The following CPB2 variants were observed in gnomAD, a reference collection of about 807,000 sequenced individuals.
The protein encoded by CPB2 is carboxypeptidase B2.
CPB2 carries 54 observed loss-of-function variants against 57.0 expected under a neutral mutation model. The observed-to-expected ratio is 0.95, with a 90% CI of 0.76 to 1.19. CPB2 has a LOEUF of 1.19. Among genes scored for constraint, CPB2 ranks in the 50% most tolerant of loss-of-function variants. The probability of loss-of-function intolerance (pLI) is 0.00; values close to 1 mark genes in which losing one functional copy is unlikely to be tolerated. For missense variants in CPB2, 426 were observed against 512.0 expected (o/e 0.83, Z 1.62); for synonymous variants, 189 against 178.1 (o/e 1.06, Z -0.49).
intron 6 of CPB2, among the ~76,000 whole-genome samples, chr13:46,071,995 A>G (rs2044949757): frequency 6.6e-6 from 1 of 152,230 alleles, no homozygotes. Flanking sequence ...TGGTTAACAT[A>G]TATTCACTGG....
At chr13:46,100,485 T>A (rs1045503855) in intron 1 of CPB2, 6 of 94,630 alleles carry the variant, frequency 6.3e-5, no homozygotes, top group African/African-American at 2.7e-4. Context: ...GATTTGTGAA[T>A]TTTTTTTTTT....
At chr13:46,080,968 T>C (rs1435260200) in intron 4 of CPB2, among the ~76,000 whole-genome samples, 2 of 77,952 alleles carry the variant, frequency 2.6e-5, no homozygotes, top group Non-Finnish European at 4.5e-5. Context: ...AGAAACTCTG[T>C]CTCAAAAAAA....
intron 1 of CPB2, among the ~76,000 whole-genome samples, chr13:46,104,663 A>G (rs2045472722): frequency 6.6e-6 from 1 of 152,232 alleles, no homozygotes; most frequent in Admixed American, 6.5e-5. Context: ...AAAAGATTTA[A>G]TTTCTTGAAT....
At chr13:46,090,724 C>CTTTTTTT in intron 1 of CPB2, among the ~76,000 whole-genome samples, 1 of 148,400 alleles carries the variant, frequency 6.7e-6, no homozygotes, top group Non-Finnish European at 1.5e-5. Flanking sequence ...AGATGTTGCA[C>CTTTTTTT]TTTTTTTTTT....
intron 7 of CPB2, among the ~76,000 whole-genome samples, chr13:46,066,587 G>A (rs1275084381): frequency 6.6e-6 from 1 of 152,204 alleles, no homozygotes; most frequent in East Asian, 1.9e-4. Context: ...GCTCATGCCT[G>A]TAATCTCAGC....
intron 1 of CPB2, chr13:46,097,390 T>C (rs140591004): frequency 2.6e-5 from 4 of 152,316 alleles, no homozygotes; most frequent in African/African-American, 9.6e-5. Flanking sequence ...GACCAGCTAG[T>C]CACTGGGTGG....
intron 1 of CPB2, among the ~76,000 whole-genome samples, chr13:46,090,122 G>C (rs1321336330): frequency 2.6e-5 from 4 of 151,538 alleles, no homozygotes; most frequent in African/African-American, 9.7e-5. Context: ...ATATCTTAGA[G>C]AACAAACTCT....
chr13:46,094,750 G>A (rs1367630563), intron 1 of CPB2: 1 of 152,084 alleles, frequency 6.6e-6, no homozygotes, highest in Non-Finnish European at 1.5e-5. Flanking sequence ...GCCAACAAAA[G>A]GATTGCTCAA....
At chr13:46,076,956 T>G (rs9567616) in intron 5 of CPB2, among the ~76,000 whole-genome samples, 51,892 of 151,622 alleles carry the variant, frequency 0.34, 9,022 homozygotes, top group African/African-American at 0.39. Context: ...TTAAATGTAA[T>G]ACCTAAAACT....
intron 4 of CPB2, among the ~76,000 whole-genome samples, chr13:46,079,582 T>C (rs2139386999): frequency 6.8e-6 from 1 of 146,008 alleles, no homozygotes; most frequent in East Asian, 2.0e-4. Context: ...AAAAAAATTC[T>C]GACTTTAGGC....
intron 1 of CPB2, chr13:46,098,906 A>C (rs2139425552): frequency 6.6e-6 from 1 of 152,356 alleles, no homozygotes; most frequent in South Asian, 2.1e-4. Context: ...TGCAATCTTC[A>C]TCTCAGGAGT....
At chr13:46,088,948 T>C (rs2045250690) in intron 1 of CPB2, among the ~76,000 whole-genome samples, 1 of 151,874 alleles carries the variant, frequency 6.6e-6, no homozygotes, top group Admixed American at 6.5e-5. Context: ...TTCTAGCAGT[T>C]TGTAATTTGT....
chr13:46,065,197 G>A (rs1336038355), intron 7 of CPB2, among the ~76,000 whole-genome samples: 4 of 152,186 alleles, frequency 2.6e-5, no homozygotes, highest in Admixed American at 6.5e-5. Flanking sequence ...CCCTTTCAAA[G>A]CTAGAAAAGG....
rs762612523 is a variant in CPB2 at position 46,058,389 on chromosome 13, G to A, written c.797-8C>T. On this transcript the variant is annotated splice_polypyrimidine_tract_variant and splice_region_variant and intron_variant, in intron 8 of 10. Transcript: ENST00000181383. Reference sequence around the variant, plus strand: ...AACTGGATGCACCTTCCTCTGTAACGAAATTGTTAAGGTGAAATTATGAGG... The same window carrying A: ...AACTGGATGCACCTTCCTCTGTAACAAAATTGTTAAGGTGAAATTATGAGG... 1.1e-5 allele frequency: 18 copies of A among 1,613,092 alleles called. No homozygotes were observed. Among genetic ancestry groups the A allele is most frequent in the African/African-American group, 4.0e-5 (3 of 74,888 alleles).
At chr13:46,072,994 C>T (rs758983547) in intron 6 of CPB2, among the ~76,000 whole-genome samples, 1 of 152,092 alleles carries the variant, frequency 6.6e-6, no homozygotes, top group Non-Finnish European at 1.5e-5. Context: ...GGTTGCAGCT[C>T]CCATCCATGG....
intron 1 of CPB2, among the ~76,000 whole-genome samples, chr13:46,095,871 T>C (rs2045357958): frequency 7.4e-6 from 1 of 134,750 alleles, no homozygotes; most frequent in Non-Finnish European, 1.6e-5. Context: ...ACTCTGGCTA[T>C]AGGACTTTTT....
intron 5 of CPB2, among the ~76,000 whole-genome samples, 190 bp from the exon 6 acceptor site, chr13:46,074,167 C>G (rs2044986229): frequency 6.6e-6 from 1 of 152,146 alleles, no homozygotes; most frequent in African/African-American, 2.4e-5. Context: ...GTTAAGGTAG[C>G]AAAGCTGGTG....
intron 8 of CPB2, among the ~76,000 whole-genome samples, chr13:46,061,547 G>A (rs1029901328): frequency 1.3e-5 from 2 of 152,196 alleles, no homozygotes; most frequent in African/African-American, 4.8e-5. Flanking sequence ...AGGGAGGTTT[G>A]TGCAGAAAGA....
chr13:46,074,872 C>T (rs371605245), intron 5 of CPB2, among the ~76,000 whole-genome samples: 7 of 152,150 alleles, frequency 4.6e-5, no homozygotes, highest in Admixed American at 2.6e-4. Context: ...CCTTTGCATG[C>T]GCGGTTCACA....
Sources: gnomAD v4.1 joint callset for allele counts (sites outside exome capture counted in the v4.1 genomes callset) on GRCh38, gnomAD v4.1.1 for gene constraint, MANE v1.5 for transcripts, NCBI Gene and HGNC (gene_info 2026-07-23, HGNC 2026-07-21) for gene names.